Variants in ARHGEF10L observed in about 807,000 individuals in gnomAD.
ARHGEF10L encodes Rho guanine nucleotide exchange factor 10 like, also known as rho guanine nucleotide exchange factor 10-like protein.
A neutral mutation model predicts 141.2 loss-of-function variants in ARHGEF10L; 69 were observed. The observed-to-expected ratio is 0.49, with a 90% CI of 0.40 to 0.60. ARHGEF10L has a LOEUF of 0.60. Among genes scored for constraint, ARHGEF10L ranks in the 20% least tolerant of loss-of-function variants. The pLI, the probability that ARHGEF10L is intolerant of heterozygous loss-of-function variation, is 0.00. For synonymous variants in ARHGEF10L, 711 were observed against 718.5 expected (o/e 0.99, Z 0.17); for missense variants, 1,482 against 1,734.3 (o/e 0.85, Z 2.58).
chr1:17,597,444 A>G (rs1277458971), intron 4 of ARHGEF10L, among the ~76,000 whole-genome samples: 1 of 152,130 alleles, frequency 6.6e-6, no homozygotes, highest in Non-Finnish European at 1.5e-5. Context: ...GGTCACGGGT[A>G]CAGGAGGGGC....
At chr1:17,552,713 C>T (rs1457100112) in intron 1 of ARHGEF10L, among the ~76,000 whole-genome samples, 2 of 151,576 alleles carry the variant, frequency 1.3e-5, no homozygotes, top group African/African-American at 2.4e-5. Flanking sequence ...CGTGAGCCAC[C>T]GTGTCCAGCC....
At position 17,627,315 on chromosome 1, in the gene ARHGEF10L, G is replaced by T. The variant is rs1294210803; in HGVS notation, c.1411-15G>T. The T allele has an allele frequency of 1.1e-5, 18 of 1,612,022 alleles. No individual in the cohort carries two copies. Among genetic ancestry groups the T allele is most frequent in the Non-Finnish European group, 1.5e-5 (18 of 1,178,584 alleles). ...GTCATGGGTGGGCTGCTCAGTCTCTGCTCTGACCTGGCAGGACATGCTGAA... is the reference window on the plus strand; with the variant it reads ...GTCATGGGTGGGCTGCTCAGTCTCTTCTCTGACCTGGCAGGACATGCTGAA... On this transcript the variant is annotated splice_polypyrimidine_tract_variant and intron_variant, in intron 14 of 28. Transcript: ENST00000361221. This position sits in a 1 kb window ranked among gnomAD's most constrained non-coding sequence, Gnocchi z 4.0.
At chr1:17,591,310 A>G (rs981818305) in intron 4 of ARHGEF10L, among the ~76,000 whole-genome samples, 3 of 151,428 alleles carry the variant, frequency 2.0e-5, no homozygotes, top group Non-Finnish European at 4.4e-5. Context: ...TGGTGTGATC[A>G]TGGCTCACTG....
At position 17,693,045 on chromosome 1, in the gene ARHGEF10L, G is replaced by GCCCTGTTT. The variant is rs1238592882; in HGVS notation, c.3185-2111_3185-2104dup. ...AATCCTCCACTGGCTCTGCCCTGTC[G>GCCCTGTTT]CCCTGTTTCAATCCTCTGCCTGGTG... On this transcript the variant is annotated intron_variant, in intron 27 of 28. Transcript: ENST00000361221. Among the ~76,000 whole-genome samples, 11 of 152,230 alleles carry GCCCTGTTT rather than the reference G, an allele frequency of 7.2e-5. 1 individual carries two copies. In the East Asian group the frequency reaches 1.5e-3, roughly 21 times the overall value.
intron 1 of ARHGEF10L, among the ~76,000 whole-genome samples, chr1:17,572,267 G>A (rs868525236): frequency 6.6e-6 from 1 of 152,182 alleles, no homozygotes. Context: ...AGCCCGGGAC[G>A]CCCTCCTCAG....
At position 17,632,311 on chromosome 1, in the gene ARHGEF10L, C is replaced by T; in HGVS notation, c.1585-10C>T. 6.2e-7 allele frequency: 1 copy of T among 1,613,656 alleles called. No individual in the cohort carries two copies. Among genetic ancestry groups the T allele is most frequent in the Non-Finnish European group, 8.5e-7 (1 of 1,180,004 alleles). On this transcript the variant is annotated splice_polypyrimidine_tract_variant and intron_variant, in intron 15 of 28. Transcript: ENST00000361221. ...GATGCTGATGCTGACCTTCCCTGCC[C>T]CTCCTCCAGCTGTTGACCTCAGGCC...
At chr1:17,689,909 T>G (rs749249186) in intron 27 of ARHGEF10L, 14 of 454,096 alleles carry the variant, frequency 3.1e-5, no homozygotes, top group South Asian at 2.2e-4. Context: ...GAACAGCCAC[T>G]CCTGCCTGTA....
chr1:17,584,215 T>C (rs574167841), intron 2 of ARHGEF10L, among the ~76,000 whole-genome samples: 1 of 152,130 alleles, frequency 6.6e-6, no homozygotes, highest in South Asian at 2.1e-4. Flanking sequence ...TGGCTAATTT[T>C]CTCATTTTTA....
chr1:17,631,846 TTG>T (rs2060712734), intron 15 of ARHGEF10L, among the ~76,000 whole-genome samples: 1 of 152,238 alleles, frequency 6.6e-6, no homozygotes, highest in Non-Finnish European at 1.5e-5. Context: ...GTTCATTACC[TTG>T]TGTGATCTGA....
chr1:17,529,732 G>A, the ARHGEF10L span, among the ~76,000 whole-genome samples: 2 of 152,140 alleles, frequency 1.3e-5, no homozygotes, highest in South Asian at 4.1e-4. Flanking sequence ...AGCTATAGGT[G>A]GAGCTCTAAG....
chr1:17,534,009 T>A, the ARHGEF10L span, among the ~76,000 whole-genome samples: 1 of 152,098 alleles, frequency 6.6e-6, no homozygotes, highest in African/African-American at 2.4e-5. Flanking sequence ...TCTCTCAGGC[T>A]GGAGTGCAGT....
chr1:17,661,349 A>C (rs2062612967), intron 25 of ARHGEF10L, among the ~76,000 whole-genome samples: 1 of 152,208 alleles, frequency 6.6e-6, no homozygotes, highest in African/African-American at 2.4e-5. Context: ...AAGTGTTGGG[A>C]TTACAGGCGT....
intron 18 of ARHGEF10L, among the ~76,000 whole-genome samples, chr1:17,636,183 C>G (rs1012079491): frequency 6.6e-6 from 1 of 152,196 alleles, no homozygotes; most frequent in Non-Finnish European, 1.5e-5. Flanking sequence ...TTCATGCACT[C>G]CAGGGACGCT....
At chr1:17,628,317 G>A (rs148186384) in intron 15 of ARHGEF10L, among the ~76,000 whole-genome samples, 1,673 of 152,276 alleles carry the variant, frequency 0.011, 32 homozygotes, top group African/African-American at 0.039. Context: ...GTGACAGAGG[G>A]AGACTCTGTC....
chr1:17,588,273 G>A (rs1237297031), intron 3 of ARHGEF10L, among the ~76,000 whole-genome samples, 173 bp from the exon 4 acceptor site: 3 of 147,604 alleles, frequency 2.0e-5, no homozygotes, highest in East Asian at 4.2e-4. Flanking sequence ...CCAGGTAGGG[G>A]AGCTGATGAC....
At chr1:17,665,714 C>G (rs982926287) in intron 26 of ARHGEF10L, among the ~76,000 whole-genome samples, 5 of 152,152 alleles carry the variant, frequency 3.3e-5, no homozygotes, top group African/African-American at 1.2e-4. Context: ...TCAGGGTTGT[C>G]CAGAGGAACA....
intron 1 of ARHGEF10L, among the ~76,000 whole-genome samples, chr1:17,560,828 G>A (rs2077516511): frequency 6.6e-6 from 1 of 152,204 alleles, no homozygotes; most frequent in Non-Finnish European, 1.5e-5. Flanking sequence ...GCCTCCCAAA[G>A]TGCTGGGATT....
At chr1:17,633,471 G>T (rs1232805334) in intron 16 of ARHGEF10L, among the ~76,000 whole-genome samples, 1 of 151,992 alleles carries the variant, frequency 6.6e-6, no homozygotes, top group Non-Finnish European at 1.5e-5. Context: ...AGCCTCCCGA[G>T]TAGCTGGGAT....
chr1:17,552,207 G>T (rs2077137617), intron 1 of ARHGEF10L, among the ~76,000 whole-genome samples: 1 of 152,146 alleles, frequency 6.6e-6, no homozygotes, highest in African/African-American at 2.4e-5. Flanking sequence ...AGGGGAGGGG[G>T]AGATGGGGAG....
Sources: allele counts gnomAD v4.1 joint callset (sites outside exome capture counted in the v4.1 genomes callset), GRCh38; gene constraint gnomAD v4.1.1; non-coding constraint Gnocchi (gnomAD v3.1); transcripts MANE v1.5; gene names NCBI Gene and HGNC (gene_info 2026-07-23, HGNC 2026-07-21).